Variants in COL6A2 observed in about 807,000 individuals in gnomAD.
COL6A2 encodes the protein collagen type VI alpha 2 chain.
Under a neutral mutation model 124.9 loss-of-function variants are expected in COL6A2, and 90 were observed. The observed-to-expected ratio is 0.72, with a 90% CI of 0.61 to 0.86. The LOEUF (loss-of-function observed/expected upper bound fraction) is 0.86. Among genes scored for constraint, COL6A2 ranks in the 40% least tolerant of loss-of-function variants. The pLI is 0.00. For synonymous variants in COL6A2, 793 were observed against 618.2 expected, an observed-to-expected ratio of 1.28 and a Z score of -4.19; for missense variants, 1,607 against 1,502.5, an observed-to-expected ratio of 1.07 and a Z score of -1.15.
In COL6A2 at chr21:46,116,474, C is replaced by T. The variant is rs557584124; in HGVS notation, c.927+71C>T. ...CCCAGACCCACCTCTTGGCGTCCGCCGCAGCCTGTCACTGCTCCTGGGGCA... is the reference window on the plus strand; with the variant it reads ...CCCAGACCCACCTCTTGGCGTCCGCTGCAGCCTGTCACTGCTCCTGGGGCA... On this transcript the variant is annotated intron_variant, in intron 8 of 27. Coordinates refer to ENST00000300527, the MANE Select transcript of COL6A2 (RefSeq NM_001849.4). This position sits in a 1 kb window ranked among gnomAD's most constrained non-coding sequence, Gnocchi z 4.6. 939 of 1,598,476 alleles carry T rather than the reference C, an allele frequency of 5.9e-4. 5 individuals are homozygous for T. In the East Asian group the frequency reaches 8.5e-3, roughly 14 times the overall value.
intron 24 of COL6A2, 64 bp downstream of exon 24, chr21:46,125,375 GGCTGGGTCATC>G (rs754250503): frequency 2.3e-5 from 37 of 1,605,476 alleles, no homozygotes; most frequent in Non-Finnish European, 2.2e-5. Context: ...AGTGCAGCAG[GGCTGGGTCATC>G]GCTGGGTCCT....
chr21:46,102,404 C>T (rs1241613626), intron 1 of COL6A2, among the ~76,000 whole-genome samples: 1 of 152,116 alleles, frequency 6.6e-6, no homozygotes, highest in African/African-American at 2.4e-5. Context: ...CCCAATTGCT[C>T]TGGCCAGAAC....
intron 18 of COL6A2, 85 bp downstream of exon 18, chr21:46,121,703 C>T (rs2078569430): frequency 7.3e-7 from 1 of 1,372,564 alleles, no homozygotes. Context: ...CTGGGGGACC[C>T]TGTTGCCGGC....
chr21:46,121,638 C>G lies in COL6A2; in HGVS notation c.1521+20C>G. 1 of 1,612,038 alleles carries G rather than the reference C, an allele frequency of 6.2e-7. No individual in the cohort carries two copies. Among genetic ancestry groups the G allele is most frequent in the Non-Finnish European group, 8.5e-7 (1 of 1,179,352 alleles). On this transcript the variant is annotated intron_variant, in intron 18 of 27. Coordinates refer to ENST00000300527, the MANE Select transcript of COL6A2 (RefSeq NM_001849.4). ...CCCAAGGTACGTGCCCCTCCCCCAG[C>G]AGGACGTATTAGGGGTTCGGGGCAG... is the stretch of plus-strand genomic sequence containing the variant.
At chr21:46,112,621 A>G in intron 3 of COL6A2, 44 bp downstream of exon 3, 1 of 1,603,792 alleles carries the variant, frequency 6.2e-7, no homozygotes, top group Non-Finnish European at 8.5e-7. Context: ...AGGGGTGGCC[A>G]CGGTGGGCCG....
At chr21:46,122,710 T>C (rs2078585811) in intron 20 of COL6A2, among the ~76,000 whole-genome samples, 165 bp from the exon 21 acceptor site, 1 of 140,146 alleles carries the variant, frequency 7.1e-6, no homozygotes, top group African/African-American at 2.7e-5. Flanking sequence ...AGCCACTGGC[T>C]GGTCCCTTTT....
chr21:46,132,668 T>C lies in COL6A2; in HGVS notation c.*116T>C, dbSNP rs3087667. On this transcript the variant is annotated 3_prime_UTR_variant, in exon 28 of 28. Transcript: ENST00000300527. Reference sequence around the variant, plus strand: ...GCTCACTCGGACGACGCCCTGGGCCTGCACCTCTCCAGCTCCTCCCACGGG... The same window carrying C: ...GCTCACTCGGACGACGCCCTGGGCCCGCACCTCTCCAGCTCCTCCCACGGG... 93,050 of 1,073,784 alleles carry C rather than the reference T, an allele frequency of 0.087. 4,488 individuals are homozygous for C. The highest frequency in any genetic ancestry group is 0.11 in the Middle Eastern group (440 of 3,996). 66.5% of individuals were successfully genotyped at this position (1,073,784 alleles called of 1,614,324 possible).
At position 46,125,951 on chromosome 21, in the gene COL6A2, C is replaced by T. The variant is rs114554195; in HGVS notation, c.2136C>T (p.Asp712=). ...CCTCAGCCCTCAAGTTTGCCTACGA[C>T]CGCCTCATCAAGGAGAGCCGGCGCC... ...WTPSALKFAY[D]RLIKESRRQK... The change falls in exon 26 of 28, where the codon GAC becomes GAT. Residue 712 remains aspartate, a synonymous_variant. Coordinates refer to ENST00000300527, the MANE Select transcript of COL6A2 (RefSeq NM_001849.4). 5.9e-4 allele frequency: 947 copies of T among 1,613,206 alleles called. 6 individuals carry two copies. In the African/African-American group the frequency reaches 0.011, roughly 19 times the overall value.
In COL6A2 at chr21:46,122,639, G is replaced by C. The variant is rs957756153; in HGVS notation, c.1608+108G>C. On this transcript the variant is annotated intron_variant, in intron 20 of 27. Coordinates refer to ENST00000300527, the MANE Select transcript of COL6A2 (RefSeq NM_001849.4). ...ACTGACAGGACCACCCCTGTCTTGA[G>C]ATGGTCCTGGCTCCCCAAGGCCCAG... 3.8e-6 allele frequency: 5 copies of C among 1,317,026 alleles called. No individual in the cohort carries two copies. The African/African-American group carries it at 7.2e-5, about 19-fold the overall frequency. The allele number at this position is 1,317,026 out of a possible 1,614,324, so 81.6% of individuals were successfully genotyped here.
intron 25 of COL6A2, 76 bp from the exon 26 acceptor site, chr21:46,125,709 A>C (rs1306640473): frequency 2.5e-6 from 4 of 1,594,752 alleles, no homozygotes; most frequent in East Asian, 4.5e-5. Flanking sequence ...CGTCCCTCCA[A>C]CGAGGGCCTC....
intron 5 of COL6A2, among the ~76,000 whole-genome samples, chr21:46,114,937 C>A (rs1212953642): frequency 6.6e-6 from 1 of 152,236 alleles, no homozygotes; most frequent in East Asian, 1.9e-4. Flanking sequence ...TGCTACGTAG[C>A]TTCGTGTTTT....
intron 17 of COL6A2, 139 bp downstream of exon 17, chr21:46,121,262 G>A: frequency 2.3e-6 from 2 of 865,350 alleles, no homozygotes; most frequent in South Asian, 1.4e-5. Flanking sequence ...GCCAGGACCT[G>A]CTCCCCTAGA....
At chr21:46,126,463 ACTGACCCTGGC>A in intron 26 of COL6A2, 29 bp from the exon 27 acceptor site, 1 of 1,601,542 alleles carries the variant, frequency 6.2e-7, no homozygotes, top group Non-Finnish European at 8.5e-7. Flanking sequence ...TTCGCTAGGG[ACTGACCCTGGC>A]CTGGCCCGGC....
rs1184446850 is a variant in COL6A2 at position 46,112,740 on chromosome 21, T to C, written c.715-64T>C. The stretch of plus-strand genomic sequence containing the variant: ...GGTGTCCCTCCATCCCCACCCAGAC[T>C]CGAGGTGCAGCCGCCCCAGGTCTCG... On this transcript the variant is annotated intron_variant, in intron 3 of 27. Transcript: ENST00000300527. 1.9e-6 allele frequency: 3 copies of C among 1,612,150 alleles called. No homozygotes were observed. In the East Asian group the frequency reaches 6.7e-5, roughly 36 times the overall value.
intron 21 of COL6A2, 49 bp downstream of exon 21, chr21:46,122,986 G>A: frequency 6.4e-7 from 1 of 1,563,666 alleles, no homozygotes; most frequent in Non-Finnish European, 8.8e-7. Context: ...GAGGCAGGGA[G>A]GGGCCCTGAG....
At position 46,122,887 on chromosome 21, in the gene COL6A2, G is replaced by T; in HGVS notation, c.1621G>T (p.Asp541Tyr). 6.2e-7 allele frequency: 1 copy of T among 1,613,362 alleles called. No individual in the cohort carries two copies. Among genetic ancestry groups the T allele is most frequent in the South Asian group, 1.1e-5 (1 of 91,080 alleles). Residue 541 changes from aspartate to tyrosine, a missense_variant, in exon 21 of 28, where the codon GAC becomes TAC. Coordinates refer to ENST00000300527, the MANE Select transcript of COL6A2 (RefSeq NM_001849.4). ...TTCCCTGTCACAGGGAGGCCGAGGC[G>T]ACTTTGGCTTGAAAGGAGAACCTGG... ...GPRGPEGGRG[D>Y]FGLKGEPGRK...
intron 1 of COL6A2, among the ~76,000 whole-genome samples, chr21:46,105,525 T>C (rs151177918): frequency 2.6e-5 from 4 of 152,366 alleles, no homozygotes; most frequent in Admixed American, 6.5e-5. Context: ...AATAACATTA[T>C]GCTTTTGGAC....
chr21:46,105,722 A>G (rs1383654758), intron 1 of COL6A2, among the ~76,000 whole-genome samples: 1 of 152,232 alleles, frequency 6.6e-6, no homozygotes. Context: ...TAACTAAAGA[A>G]TAAATACAAA....
At chr21:46,127,544 C>T (rs1291505261) in intron 27 of COL6A2, among the ~76,000 whole-genome samples, 2 of 152,142 alleles carry the variant, frequency 1.3e-5, no homozygotes, top group Admixed American at 1.3e-4. Flanking sequence ...TGTGCTTCTG[C>T]CGCCAAGGTG....
Sources: gnomAD v4.1 joint callset for allele counts (sites outside exome capture counted in the v4.1 genomes callset) on GRCh38, gnomAD v4.1.1 for gene constraint, Gnocchi (gnomAD v3.1) non-coding constraint, MANE v1.5 for transcripts, NCBI Gene and HGNC (gene_info 2026-07-23, HGNC 2026-07-21) for gene names.